Variants in CNTNAP5 observed in about 807,000 individuals in gnomAD.
CNTNAP5 encodes the protein contactin associated protein family member 5.
Under a neutral mutation model 150.2 loss-of-function variants are expected in CNTNAP5, and 72 were observed. The ratio of observed to expected loss-of-function variants is 0.48; its 90% CI spans 0.40 to 0.58. The LOEUF is 0.58. Among genes scored for constraint, CNTNAP5 ranks in the 20% least tolerant of loss-of-function variants. The pLI is 0.00. For synonymous variants in CNTNAP5, 672 were observed against 619.8 expected, an observed-to-expected ratio of 1.08 and a Z score of -1.25; for missense variants, 1,636 against 1,626.2, an observed-to-expected ratio of 1.01 and a Z score of -0.10.
chr2:124,562,168 T>C (rs753485085), intron 10 of CNTNAP5, among the ~76,000 whole-genome samples: 9 of 152,126 alleles, frequency 5.9e-5, no homozygotes, highest in Admixed American at 1.3e-4. Context: ...AAGAAAAAAA[T>C]GTTACCTCCA....
chr2:124,446,862 G>A lies in CNTNAP5; in HGVS notation c.843G>A (p.Val281=). Residue 281 remains valine, a synonymous_variant, in exon 6 of 24, where the codon GTG becomes GTA. Transcript: ENST00000682447. ...SVLIERVGKQ[V]NFTVDKHTQH... is the part of the protein sequence containing the mutation. Reference sequence around the variant, plus strand: ...TCATTGAGCGGGTGGGCAAGCAGGTGAACTTCACGGTGGACAAGCACACAC... The same window carrying A: ...TCATTGAGCGGGTGGGCAAGCAGGTAAACTTCACGGTGGACAAGCACACAC... 6.2e-7 allele frequency: 1 copy of A among 1,613,936 alleles called. No homozygotes were observed. Among genetic ancestry groups the A allele is most frequent in the Non-Finnish European group, 8.5e-7 (1 of 1,179,854 alleles).
At chr2:124,815,803 T>C (rs1004117183) in intron 19 of CNTNAP5, among the ~76,000 whole-genome samples, 1 of 152,134 alleles carries the variant, frequency 6.6e-6, no homozygotes, top group African/African-American at 2.4e-5. Flanking sequence ...CATTTGTACA[T>C]GGAAAGGTGT....
At position 124,268,450 on chromosome 2, in the gene CNTNAP5, A is replaced by G. The variant is rs527524463; in HGVS notation, c.381+26057A>G. ...CATAGACATTAAGAAATCTACCCCA[A>G]CCCTACAGTGATGTAGTGCTCTTCT... On this transcript the variant is annotated intron_variant, in intron 3 of 23. Coordinates refer to ENST00000682447, the MANE Select transcript of CNTNAP5 (RefSeq NM_001367498.1). 1.3e-3 allele frequency among the ~76,000 whole-genome samples: 195 copies of G among 152,182 alleles called. 1 individual carries two copies. The highest frequency in any genetic ancestry group is 4.4e-3 in the African/African-American group (181 of 41,514).
intron 13 of CNTNAP5, among the ~76,000 whole-genome samples, chr2:124,672,928 C>G (rs1390409263): frequency 6.6e-6 from 1 of 151,742 alleles, no homozygotes; most frequent in East Asian, 1.9e-4. Context: ...AAGAGAATTA[C>G]AGAACTAGAA....
intron 16 of CNTNAP5, among the ~76,000 whole-genome samples, chr2:124,766,509 G>A (rs939658588): frequency 6.6e-6 from 1 of 151,962 alleles, no homozygotes; most frequent in Non-Finnish European, 1.5e-5. Context: ...ATACATACAA[G>A]GAAAAAGATC....
At chr2:124,187,946 A>C (rs1685370734) in intron 1 of CNTNAP5, among the ~76,000 whole-genome samples, 1 of 152,156 alleles carries the variant, frequency 6.6e-6, no homozygotes, top group Non-Finnish European at 1.5e-5. Context: ...TTCTGATATT[A>C]TGGTTTATTG....
At chr2:124,333,633 A>G (rs916558090) in intron 3 of CNTNAP5, among the ~76,000 whole-genome samples, 47 of 152,200 alleles carry the variant, frequency 3.1e-4, no homozygotes, top group Non-Finnish European at 6.9e-4. Context: ...CTGATTGAAT[A>G]TAAGAAGGTT....
At chr2:124,707,179 A>AGAAGAAGAAGAAGAT (rs1558743885) in intron 13 of CNTNAP5, among the ~76,000 whole-genome samples, 6 of 138,596 alleles carry the variant, frequency 4.3e-5, no homozygotes, top group Admixed American at 7.2e-5. Flanking sequence ...AAGAAGAAGA[A>AGAAGAAGAAGAAGAT]GAAGAAGAAG....
At chr2:124,167,415 T>C (rs756746464) in intron 1 of CNTNAP5, among the ~76,000 whole-genome samples, 2 of 152,070 alleles carry the variant, frequency 1.3e-5, no homozygotes, top group African/African-American at 4.8e-5. Context: ...TCACCAGGAG[T>C]TGTCAAGTAA....
chr2:124,897,936 A>AGTGTGT lies in CNTNAP5; in HGVS notation c.3437-4909_3437-4904dup, dbSNP rs56154943. On this transcript the variant is annotated intron_variant, in intron 21 of 23. Coordinates refer to ENST00000682447, the MANE Select transcript of CNTNAP5 (RefSeq NM_001367498.1). The stretch of plus-strand genomic sequence containing the variant: ...ACATAAAAGCAGTAAGCAAATGCCA[A>AGTGTGT]GTGTGTGTGTGTGTGTGTGTGTGTG... Among the ~76,000 whole-genome samples, 42 of 142,112 alleles carry AGTGTGT rather than the reference A, an allele frequency of 3.0e-4. 1 individual carries two copies. Among genetic ancestry groups the AGTGTGT allele is most frequent in the East Asian group, 1.1e-3 (5 of 4,704 alleles). The allele number at this position is 142,112 out of a possible 152,430, so 93.2% of individuals were successfully genotyped here. A position where few individuals can be genotyped will look rare whatever the true frequency, so the allele number is the denominator to read the frequency against.
At chr2:124,121,891 G>A (rs1334937741) in intron 1 of CNTNAP5, among the ~76,000 whole-genome samples, 2 of 152,176 alleles carry the variant, frequency 1.3e-5, no homozygotes, top group Non-Finnish European at 2.9e-5. Context: ...CACTTCTGCA[G>A]AAGTGCCTGC....
At chr2:124,389,430 C>A (rs1327857309) in intron 3 of CNTNAP5, among the ~76,000 whole-genome samples, 1 of 152,030 alleles carries the variant, frequency 6.6e-6, no homozygotes, top group Non-Finnish European at 1.5e-5. Context: ...GCTAGTTAGC[C>A]CATAGGTTTT....
intron 9 of CNTNAP5, 125 bp downstream of exon 9, chr2:124,524,577 C>A: frequency 1.2e-6 from 1 of 843,056 alleles, no homozygotes; most frequent in Non-Finnish European, 1.8e-6. Context: ...AACACACACA[C>A]ACATGCACAT....
chr2:124,513,303 C>T (rs534819988), intron 8 of CNTNAP5, among the ~76,000 whole-genome samples: 1 of 152,310 alleles, frequency 6.6e-6, no homozygotes, highest in Admixed American at 6.5e-5. Flanking sequence ...GGACACCAAA[C>T]ATATGGAAAC....
At chr2:124,632,886 C>T (rs1677893372) in intron 12 of CNTNAP5, among the ~76,000 whole-genome samples, 1 of 152,056 alleles carries the variant, frequency 6.6e-6, no homozygotes, top group Non-Finnish European at 1.5e-5. Context: ...GCATGTCTTA[C>T]ATGTCCAAAG....
chr2:124,523,633 G>A (rs1466429879), intron 8 of CNTNAP5, among the ~76,000 whole-genome samples: 1 of 152,122 alleles, frequency 6.6e-6, no homozygotes, highest in South Asian at 2.1e-4. Flanking sequence ...AGAGAGTGTC[G>A]TGCCTCATTT....
At chr2:124,733,232 A>G (rs200438298) in intron 13 of CNTNAP5, among the ~76,000 whole-genome samples, 2 of 152,162 alleles carry the variant, frequency 1.3e-5, no homozygotes, top group African/African-American at 4.8e-5. Context: ...AATATTATAC[A>G]TATAATTAGT....
intron 3 of CNTNAP5, among the ~76,000 whole-genome samples, chr2:124,342,677 G>A (rs1376255622): frequency 6.6e-6 from 1 of 152,036 alleles, no homozygotes; most frequent in Non-Finnish European, 1.5e-5. Flanking sequence ...ATTTTGGAGG[G>A]ATCAATCAGG....
intron 2 of CNTNAP5, among the ~76,000 whole-genome samples, chr2:124,224,653 T>C (rs1367407176): frequency 6.6e-6 from 1 of 152,008 alleles, no homozygotes; most frequent in Non-Finnish European, 1.5e-5. Context: ...TAGTTGGACA[T>C]AGTAACATAT....
Sources: allele counts gnomAD v4.1 joint callset (sites outside exome capture counted in the v4.1 genomes callset), GRCh38; gene constraint gnomAD v4.1.1; transcripts MANE v1.5; gene names NCBI Gene and HGNC (gene_info 2026-07-23, HGNC 2026-07-21).